The following ZNF423 variants were observed in gnomAD, a reference collection of about 807,000 sequenced individuals.
ZNF423 encodes the protein zinc finger protein 423.
In ZNF423, 12 loss-of-function variants were observed where a neutral mutation model predicts 95.8. The ratio of observed to expected loss-of-function variants is 0.13; its 90% confidence interval spans 0.08 to 0.20. The LOEUF (loss-of-function observed/expected upper bound fraction) is 0.20, where lower values mean the gene tolerates loss of function less well. Ranked by LOEUF, ZNF423 falls within the 10% of genes least tolerant of loss-of-function variation. ZNF423 has a pLI of 1.00. For missense variants in ZNF423, 1,316 were observed against 1,737.1 expected (o/e 0.76, Z 4.31); for synonymous variants, 749 against 711.9 (o/e 1.05, Z -0.83).
intron 5 of ZNF423, among the ~76,000 whole-genome samples, chr16:49,574,826 A>G (rs28609386): frequency 0.48 from 73,085 of 152,114 alleles, 17,931 homozygotes; most frequent in East Asian, 0.76. Context: ...TGCTGCCCTC[A>G]GAACAGCTGT....
chr16:49,712,506 C>T (rs1172803838), intron 3 of ZNF423, among the ~76,000 whole-genome samples: 1 of 152,232 alleles, frequency 6.6e-6, no homozygotes, highest in African/African-American at 2.4e-5. Flanking sequence ...CAAAACAGCT[C>T]CTTCATCTCC....
At chr16:49,629,780 G>A (rs77621005) in intron 4 of ZNF423, among the ~76,000 whole-genome samples, 2,286 of 152,324 alleles carry the variant, frequency 0.015, 25 homozygotes, top group Non-Finnish European at 0.021. Context: ...ATATGCAGAG[G>A]AGTCTATTCA....
intron 3 of ZNF423, among the ~76,000 whole-genome samples, chr16:49,709,872 C>T (rs1193289325): frequency 3.9e-5 from 6 of 152,256 alleles, no homozygotes; most frequent in African/African-American, 9.6e-5. Flanking sequence ...GGACTGTGAA[C>T]GACAAATTTC....
chr16:49,757,955 G>A (rs1355509274), intron 2 of ZNF423, among the ~76,000 whole-genome samples: 1 of 152,152 alleles, frequency 6.6e-6, no homozygotes, highest in Non-Finnish European at 1.5e-5. Context: ...CCCTGGTTCA[G>A]GACTGCGGTA....
Position 49,525,420 on chromosome 16 carries a change from T to C in ZNF423, c.3676A>G (p.Ile1226Val). The change falls in exon 6 of 8, where the codon ATT becomes GTT. Residue 1226 changes from isoleucine (I) to valine (V), a missense_variant. This residue lies in a region of ZNF423 where 75 missense variants were observed against 163.5 expected (regional missense o/e 0.46). Transcript: ENST00000563137. ...DSPAKLLCHL[I>V]EHSFEGMGGT... ...CCCATGCCCTCGAAGCTGTGCTCAATGAGGTGACAGAGGAGCTTGGCCGGG... is the reference window on the plus strand; with the variant it reads ...CCCATGCCCTCGAAGCTGTGCTCAACGAGGTGACAGAGGAGCTTGGCCGGG... 6.2e-7 allele frequency: 1 copy of C among 1,614,038 alleles called. No homozygotes were observed. Among genetic ancestry groups the C allele is most frequent in the Non-Finnish European group, 8.5e-7 (1 of 1,179,964 alleles).
intron 2 of ZNF423, among the ~76,000 whole-genome samples, chr16:49,781,475 C>T (rs370508893): frequency 2.6e-5 from 4 of 152,220 alleles, no homozygotes; most frequent in East Asian, 3.9e-4. Flanking sequence ...AGCTTATAGA[C>T]GAATGGAGCT....
At chr16:49,546,968 G>A (rs1969463356) in intron 5 of ZNF423, among the ~76,000 whole-genome samples, 1 of 149,906 alleles carries the variant, frequency 6.7e-6, no homozygotes, top group African/African-American at 2.5e-5. Context: ...TTTTCTCACT[G>A]TCCAGAATGG....
chr16:49,511,044 C>A (rs1013098436), intron 7 of ZNF423, among the ~76,000 whole-genome samples: 1 of 152,198 alleles, frequency 6.6e-6, no homozygotes, highest in Non-Finnish European at 1.5e-5. Context: ...TGAGGGGAGG[C>A]CCCCCAGTCC....
At chr16:49,749,883 T>C (rs1260116265) in intron 2 of ZNF423, among the ~76,000 whole-genome samples, 1 of 152,172 alleles carries the variant, frequency 6.6e-6, no homozygotes, top group Non-Finnish European at 1.5e-5. Flanking sequence ...ATTAAGGAGA[T>C]TCTCCCTCCC....
At chr16:49,530,550 ACG>A (rs1968802657) in intron 5 of ZNF423, among the ~76,000 whole-genome samples, 1 of 152,106 alleles carries the variant, frequency 6.6e-6, no homozygotes, top group Non-Finnish European at 1.5e-5. Flanking sequence ...GCACCAGGAG[ACG>A]CTTGACGAGC....
rs545977248 is a variant in ZNF423 at position 49,855,511 on chromosome 16, T to TCCGCCGCCG, written c.40+215_40+223dup. Reference sequence around the variant, plus strand: ...GGGAGGGTGTCCGCGGCGTACCCCCTCCGCCGCCGCCGCCGCCGCCGCCGC... The same window carrying TCCGCCGCCG: ...GGGAGGGTGTCCGCGGCGTACCCCCTCCGCCGCCGCCGCCGCCGCCGCCGCCGCCGCCGC... On this transcript the variant is annotated intron_variant, in intron 1 of 7. Transcript: ENST00000563137. This position sits in a 1 kb window ranked among gnomAD's most constrained non-coding sequence, Gnocchi z 4.7. Among the ~76,000 whole-genome samples, 309 of 143,946 alleles carry TCCGCCGCCG rather than the reference T, an allele frequency of 2.1e-3. 1 individual carries two copies. The highest frequency in any genetic ancestry group is 0.011 in the Middle Eastern group (3 of 276). 94.4% of individuals were successfully genotyped at this position (143,946 alleles called of 152,430 possible).
chr16:49,762,243 C>G (rs2033845198), intron 2 of ZNF423, among the ~76,000 whole-genome samples: 1 of 152,184 alleles, frequency 6.6e-6, no homozygotes, highest in Non-Finnish European at 1.5e-5. Context: ...GAATCTCAAT[C>G]CCCACACCAG....
rs1006277524 is a variant in ZNF423, at chr16:49,564,117, C to T, written c.3602-38623G>A. Among the ~76,000 whole-genome samples, 6 of 152,168 alleles carry T rather than the reference C, an allele frequency of 3.9e-5. 1 individual carries two copies. Among genetic ancestry groups the T allele is most frequent in the East Asian group, 3.9e-4 (2 of 5,194 alleles). ...ACAGTAGCCTGCCCAATGGCCTGCC[C>T]GAGTGAGGACACAGCAAATTGTTAA... is the stretch of plus-strand genomic sequence containing the variant. On this transcript the variant is annotated intron_variant, in intron 5 of 7. Coordinates refer to ENST00000563137, the MANE Select transcript of ZNF423 (RefSeq NM_001379286.1).
chr16:49,782,826 C>G (rs77043610), intron 2 of ZNF423, among the ~76,000 whole-genome samples: 4,469 of 152,084 alleles, frequency 0.029, 95 homozygotes, highest in Non-Finnish European at 0.047. Flanking sequence ...TAAAAATGAC[C>G]CCCTTACCCA....
In ZNF423 at chr16:49,739,308, A is replaced by G. The variant is rs910974645; in HGVS notation, c.101-8337T>C. Among the ~76,000 whole-genome samples, 9 of 152,352 alleles carry G rather than the reference A, an allele frequency of 5.9e-5. No individual in the cohort carries two copies. The South Asian group carries it at 1.2e-3, about 21-fold the overall frequency. On this transcript the variant is annotated intron_variant, in intron 2 of 7. Coordinates refer to ENST00000563137, the MANE Select transcript of ZNF423 (RefSeq NM_001379286.1). ...CAACATGTGCAGCATCGCAGTGCAG[A>G]CAAAAGCTGGAGGCGTCAAACCCGG...
chr16:49,567,571 G>A (rs1179187659), intron 5 of ZNF423, among the ~76,000 whole-genome samples: 1 of 152,114 alleles, frequency 6.6e-6, no homozygotes, highest in East Asian at 1.9e-4. Flanking sequence ...ACAACAAGCG[G>A]CCTTAACAAA....
chr16:49,592,470 T>C (rs1278930507), intron 5 of ZNF423, among the ~76,000 whole-genome samples: 1 of 152,236 alleles, frequency 6.6e-6, no homozygotes, highest in African/African-American at 2.4e-5. Flanking sequence ...GTTTGGGACC[T>C]ATTCGACCCC....
chr16:49,730,348 T>TTTGAAATTTCCTCATCCC (rs2033131725), intron 3 of ZNF423, among the ~76,000 whole-genome samples: 1 of 152,212 alleles, frequency 6.6e-6, no homozygotes, highest in African/African-American at 2.4e-5. Context: ...GTCCTTGGCC[T>TTTGAAATTTCCTCATCCC]TTGAAATTTC....
chr16:49,586,645 T>C (rs1970849466), intron 5 of ZNF423, among the ~76,000 whole-genome samples: 2 of 152,246 alleles, frequency 1.3e-5, no homozygotes. Flanking sequence ...TCTGCGAATG[T>C]GGCGTGTGGA....
Sources: gnomAD v4.1 joint callset for allele counts (sites outside exome capture counted in the v4.1 genomes callset) on GRCh38, gnomAD v4.1.1 for gene constraint, gnomAD v4.1.1 regional missense constraint, Gnocchi (gnomAD v3.1) non-coding constraint, MANE v1.5 for transcripts, NCBI Gene and HGNC (gene_info 2026-07-23, HGNC 2026-07-21) for gene names.